Variants in NR2C1 observed in about 807,000 individuals in gnomAD.
NR2C1 encodes TR2 nuclear hormone receptor.
A neutral mutation model predicts 74.8 loss-of-function variants in NR2C1; 33 were observed. The ratio of observed to expected loss-of-function variants is 0.44; its 90% CI spans 0.33 to 0.59. The LOEUF (loss-of-function observed/expected upper bound fraction) is 0.59. Ranked by LOEUF, NR2C1 falls within the 20% of genes least tolerant of loss-of-function variation. The pLI is 0.02. For synonymous variants in NR2C1, 225 were observed against 240.6 expected, an observed-to-expected ratio of 0.94 and a Z score of 0.60; for missense variants, 568 against 715.6, an observed-to-expected ratio of 0.79 and a Z score of 2.35.
chr12:95,065,890 C>T (rs1307810169), intron 2 of NR2C1, among the ~76,000 whole-genome samples: 1 of 150,330 alleles, frequency 6.7e-6, no homozygotes, highest in East Asian at 2.0e-4. Context: ...GCGGAGGTTG[C>T]AGTGAGCCAA....
intron 1 of NR2C1, among the ~76,000 whole-genome samples, chr12:95,072,455 CAAAAAAAA>C (rs570185714): frequency 3.3e-5 from 2 of 60,312 alleles, no homozygotes; most frequent in African/African-American, 1.2e-4. Flanking sequence ...CTCTCCCTCT[CAAAAAAAA>C]AAAAAAAAAA....
chr12:95,062,468 T>TA, intron 3 of NR2C1, 40 bp downstream of exon 3: 9 of 1,393,792 alleles, frequency 6.5e-6, no homozygotes, highest in South Asian at 1.3e-5. Flanking sequence ...ATTTTTTTTT[T>TA]ATATATGTAA....
At position 95,056,688 on chromosome 12, in the gene NR2C1, C is replaced by G. The variant is rs544669839; in HGVS notation, c.783+865G>C. 3.4e-4 allele frequency among the ~76,000 whole-genome samples: 52 copies of G among 152,244 alleles called. No individual in the cohort carries two copies. The South Asian group carries it at 7.1e-3, about 21-fold the overall frequency. On this transcript the variant is annotated intron_variant, in intron 7 of 13. Coordinates refer to ENST00000333003, the MANE Select transcript of NR2C1 (RefSeq NM_003297.4). ...ATTAAGAATTGTACGGCTGGGCGTGCTGGCTCACGCCTGTAATCCCAGCAC... is the reference window on the plus strand; with the variant it reads ...ATTAAGAATTGTACGGCTGGGCGTGGTGGCTCACGCCTGTAATCCCAGCAC...
chr12:95,059,011 T>C (rs527257934), intron 4 of NR2C1, among the ~76,000 whole-genome samples: 8 of 152,270 alleles, frequency 5.3e-5, no homozygotes, highest in Admixed American at 5.2e-4. Context: ...CATTAAAAAA[T>C]GTTTCTACAG....
chr12:95,025,182 A>G lies in NR2C1; in HGVS notation c.1605T>C (p.Tyr535=), dbSNP rs1869204903. The change falls in exon 13 of 14, where the codon TAT becomes TAC. Residue 535 remains tyrosine (Y), a synonymous_variant. Coordinates refer to ENST00000333003, the MANE Select transcript of NR2C1 (RefSeq NM_003297.4). Reference sequence around the variant, plus strand: ...TGTCATCTGGATATGTTTTGGTTATATAATCTTGGAATTCCACATAAGCCT... The same window carrying G: ...TGTCATCTGGATATGTTTTGGTTATGTAATCTTGGAATTCCACATAAGCCT... ...QEKAYVEFQD[Y]ITKTYPDDTY... The G allele has an allele frequency of 2.5e-6, 4 of 1,597,904 alleles. No homozygotes were observed. The East Asian group carries it at 6.7e-5, about 27-fold the overall frequency.
At chr12:95,067,950 G>A (rs1349162967) in intron 1 of NR2C1, among the ~76,000 whole-genome samples, 1 of 130,970 alleles carries the variant, frequency 7.6e-6, no homozygotes, top group East Asian at 2.5e-4. Context: ...GCATGATCTT[G>A]GCTCACTGCA....
intron 12 of NR2C1, among the ~76,000 whole-genome samples, chr12:95,026,030 AC>A (rs1280840982): frequency 6.6e-6 from 1 of 151,496 alleles, no homozygotes; most frequent in Non-Finnish European, 1.5e-5. Flanking sequence ...ACATGGTGAA[AC>A]CCCGTCTCTA....
chr12:95,048,622 G>GCTTTTTTTTTTTTTT (rs1432439180), intron 9 of NR2C1, among the ~76,000 whole-genome samples: 1 of 130,526 alleles, frequency 7.7e-6, no homozygotes. Context: ...ATGCAGATGA[G>GCTTTTTTTTTTTTTT]TTTTTTTTTT....
At chr12:95,070,078 A>C (rs896886369) in intron 1 of NR2C1, among the ~76,000 whole-genome samples, 5 of 152,324 alleles carry the variant, frequency 3.3e-5, no homozygotes, top group Middle Eastern at 6.8e-3. Context: ...CCAGCCTGAT[A>C]AACTGGCCTT....
At chr12:95,068,725 C>G (rs956388592) in intron 1 of NR2C1, among the ~76,000 whole-genome samples, 2 of 150,718 alleles carry the variant, frequency 1.3e-5, no homozygotes, top group Non-Finnish European at 2.9e-5. Context: ...ACCTGGGAGG[C>G]GGAGGTTGCG....
chr12:95,056,026 G>T (rs1295666085), intron 7 of NR2C1, among the ~76,000 whole-genome samples: 1 of 151,330 alleles, frequency 6.6e-6, no homozygotes, highest in Non-Finnish European at 1.5e-5. Context: ...CAGCAATCTG[G>T]AAGGCTGAGG....
chr12:95,057,948 G>A (rs1874172053), intron 5 of NR2C1, 70 bp from the exon 6 acceptor site: 1 of 1,349,608 alleles, frequency 7.4e-7, no homozygotes, highest in Non-Finnish European at 1.0e-6. Flanking sequence ...TAAGCTGTAG[G>A]TAAGCTTAAT....
intron 10 of NR2C1, among the ~76,000 whole-genome samples, chr12:95,039,009 G>A (rs1214513185): frequency 6.6e-6 from 1 of 152,160 alleles, no homozygotes; most frequent in African/African-American, 2.4e-5. Flanking sequence ...CCATATAGGA[G>A]GATTGCTTGA....
Position 95,023,728 on chromosome 12 carries a change from G to C in NR2C1, c.1638-1325C>G, listed in dbSNP as rs145531703. ...CTTGTGTCAAAGTGCCTTATAAGTTGAAAACTACTATCCAAGGATAATGTA... is the reference window on the plus strand; with the variant it reads ...CTTGTGTCAAAGTGCCTTATAAGTTCAAAACTACTATCCAAGGATAATGTA... On this transcript the variant is annotated intron_variant, in intron 13 of 13. Transcript: ENST00000333003. 2.1e-3 allele frequency among the ~76,000 whole-genome samples: 326 copies of C among 152,226 alleles called. 3 individuals are homozygous for C. Among genetic ancestry groups the C allele is most frequent in the African/African-American group, 7.5e-3 (312 of 41,548 alleles).
At chr12:95,059,447 C>T (rs1874413695) in intron 4 of NR2C1, among the ~76,000 whole-genome samples, 1 of 151,932 alleles carries the variant, frequency 6.6e-6, no homozygotes, top group Admixed American at 6.6e-5. Context: ...GGGCTTACAC[C>T]TGTAATCCCA....
Position 95,049,233 on chromosome 12 carries a change from C to G in NR2C1, c.966G>C (p.Arg322Ser). 1.2e-6 allele frequency: 2 copies of G among 1,613,064 alleles called. No individual in the cohort carries two copies. The highest frequency in any genetic ancestry group is 1.7e-6 in the Non-Finnish European group (2 of 1,179,532). The change falls in exon 9 of 14, where the codon AGG becomes AGC. Residue 322 changes from arginine (R) to serine (S), a missense_variant and splice_region_variant. This residue lies in a region of NR2C1 where 239 missense variants were observed against 232.3 expected (regional missense o/e 1.03). Transcript: ENST00000333003. ...QEMQTNGDVS[R>S]AFDTLAKALN... is the part of the protein sequence containing the mutation. Reference sequence around the variant, plus strand: ...ATGCTTTTGCAAGAGTGTCAAATGCCCTGTATGAAGACATCAGAAGCTATG... The same window carrying G: ...ATGCTTTTGCAAGAGTGTCAAATGCGCTGTATGAAGACATCAGAAGCTATG...
intron 1 of NR2C1, among the ~76,000 whole-genome samples, chr12:95,069,733 A>G (rs1876303160): frequency 6.6e-6 from 1 of 151,928 alleles, no homozygotes; most frequent in Non-Finnish European, 1.5e-5. Context: ...TGACTGGATG[A>G]CTGAAAAAAA....
chr12:95,040,651 TATC>T, intron 9 of NR2C1, 54 bp from the exon 10 acceptor site: 3 of 1,516,368 alleles, frequency 2.0e-6, no homozygotes, highest in South Asian at 2.6e-5. Context: ...AGTTCTAAAT[TATC>T]ATTTCTTTGA....
chr12:95,056,063 T>C (rs961263514), intron 7 of NR2C1, among the ~76,000 whole-genome samples: 7 of 151,458 alleles, frequency 4.6e-5, no homozygotes, highest in Non-Finnish European at 8.8e-5. Context: ...GCCCAGGAGT[T>C]CGAGACCAGC....
Sources: allele counts gnomAD v4.1 joint callset (sites outside exome capture counted in the v4.1 genomes callset), GRCh38; gene constraint gnomAD v4.1.1; regional missense constraint gnomAD v4.1.1; transcripts MANE v1.5; gene names NCBI Gene and HGNC (gene_info 2026-07-23, HGNC 2026-07-21).